FRMD3: variants seen among roughly 807,000 people sequenced by gnomAD.
FRMD3 encodes FERM domain containing 3.
FRMD3 carries 33 observed loss-of-function variants against 70.2 expected under a neutral mutation model. That is an observed-to-expected ratio of 0.47 (90% confidence interval 0.36 to 0.63). FRMD3 has a LOEUF of 0.63. Among genes scored for constraint, FRMD3 ranks in the 20% least tolerant of loss-of-function variants. The pLI is 0.00. For missense variants in FRMD3, 632 were observed against 711.4 expected, an observed-to-expected ratio of 0.89 and a Z score of 1.27; for synonymous variants, 279 against 255.9, an observed-to-expected ratio of 1.09 and a Z score of -0.86.
At chr9:83,360,307 C>T (rs543963352) in intron 3 of FRMD3, among the ~76,000 whole-genome samples, 2 of 152,322 alleles carry the variant, frequency 1.3e-5, no homozygotes, top group East Asian at 1.9e-4. Context: ...CAACTACTTA[C>T]ATAACTTGGT....
Position 83,538,243 on chromosome 9 carries a change from GT to G in FRMD3, c.-13del. ...CAGGAGGCGAACATGCACCGCGGCC[GT>G]GGGGAGCGAGCGGGAGGCTCAGGGC... On this transcript the variant is annotated 5_prime_UTR_variant, in exon 1 of 14. Transcript: ENST00000304195. The surrounding 1 kb of genome is among the most constrained non-coding windows in gnomAD (Gnocchi z 4.7). The G allele has an allele frequency of 6.4e-7, 1 of 1,553,946 alleles. No homozygotes were observed. The highest frequency in any genetic ancestry group is 1.2e-5 in the South Asian group (1 of 85,054).
chr9:83,408,257 C>T (rs868556589), intron 1 of FRMD3, among the ~76,000 whole-genome samples: 3 of 152,116 alleles, frequency 2.0e-5, no homozygotes, highest in Admixed American at 1.3e-4. Context: ...CAGATTAAAA[C>T]GAAGAAAGGA....
At chr9:83,315,156 T>A (rs892291233) in intron 6 of FRMD3, among the ~76,000 whole-genome samples, 11 of 152,192 alleles carry the variant, frequency 7.2e-5, no homozygotes, top group African/African-American at 2.7e-4. Context: ...ATTCCTCTTA[T>A]CCCTCTGAGG....
rs3029557 is a variant in FRMD3 at position 83,309,259 on chromosome 9, TACACACACACACACACACAC to T, written c.926+257_926+276del. ...ATTTTGTGGAAATAGCTATTTGAAA[TACACACACACACACACACAC>T]ACACACACACACACACACACACACA... is the stretch of plus-strand genomic sequence containing the variant. On this transcript the variant is annotated intron_variant, in intron 10 of 13. Transcript: ENST00000304195. Among the ~76,000 whole-genome samples, 34 of 138,378 alleles carry T rather than the reference TACACACACACACACACACAC, an allele frequency of 2.5e-4. No individual in the cohort carries two copies. In the South Asian group the frequency reaches 3.3e-3, roughly 13 times the overall value. 90.8% of individuals were successfully genotyped at this position (138,378 alleles called of 152,430 possible).
chr9:83,516,147 A>G (rs1422358657), intron 1 of FRMD3, among the ~76,000 whole-genome samples: 2 of 152,324 alleles, frequency 1.3e-5, no homozygotes, highest in Admixed American at 1.3e-4. Context: ...AACGAGCTAA[A>G]TGCCCCAATT....
intron 1 of FRMD3, among the ~76,000 whole-genome samples, chr9:83,446,571 G>A (rs545801968): frequency 3.3e-5 from 5 of 150,612 alleles, no homozygotes; most frequent in South Asian, 2.1e-4. Context: ...GGCGTGAAAC[G>A]GGGAGGCAGA....
chr9:83,559,761 T>C, the FRMD3 span, among the ~76,000 whole-genome samples: 1 of 152,214 alleles, frequency 6.6e-6, no homozygotes, highest in African/African-American at 2.4e-5. Context: ...CATAAAATTA[T>C]ACACTTTAAA....
chr9:83,522,549 TTA>T (rs1216470321), intron 1 of FRMD3, among the ~76,000 whole-genome samples: 1 of 146,154 alleles, frequency 6.8e-6, no homozygotes, highest in Non-Finnish European at 1.5e-5. Flanking sequence ...ACCACAAATT[TTA>T]TATATATATA....
chr9:83,350,658 A>T, intron 3 of FRMD3: 2 of 581,394 alleles, frequency 3.4e-6, no homozygotes, highest in Non-Finnish European at 4.3e-6. Context: ...AAAAAGAAAA[A>T]GAAAGAAGAA....
chr9:83,255,144 A>G (rs1832641032), intron 13 of FRMD3, among the ~76,000 whole-genome samples: 1 of 152,218 alleles, frequency 6.6e-6, no homozygotes, highest in African/African-American at 2.4e-5. Context: ...AAATACTGGC[A>G]AACTGAATCC....
At chr9:83,294,844 T>C (rs1206656837) in intron 12 of FRMD3, among the ~76,000 whole-genome samples, 1 of 152,242 alleles carries the variant, frequency 6.6e-6, no homozygotes, top group Non-Finnish European at 1.5e-5. Flanking sequence ...TCCTCCTGTT[T>C]CTGGCTACAT....
intron 5 of FRMD3, among the ~76,000 whole-genome samples, chr9:83,341,643 T>A (rs1204432485): frequency 6.6e-6 from 1 of 152,096 alleles, no homozygotes; most frequent in Non-Finnish European, 1.5e-5. Flanking sequence ...AAACACATTC[T>A]CTACTTCAGT....
intron 1 of FRMD3, among the ~76,000 whole-genome samples, chr9:83,493,806 C>T (rs1014044334): frequency 2.6e-5 from 4 of 152,306 alleles, no homozygotes; most frequent in African/African-American, 4.8e-5. Flanking sequence ...TCCCTTCACA[C>T]GCAGCTCAAG....
At chr9:83,388,852 C>A (rs1195116100) in intron 2 of FRMD3, among the ~76,000 whole-genome samples, 1 of 151,054 alleles carries the variant, frequency 6.6e-6, no homozygotes, top group Non-Finnish European at 1.5e-5. Flanking sequence ...CAACCACCAT[C>A]AATATGAAGT....
chr9:83,350,441 C>T (rs1170781003), intron 3 of FRMD3, among the ~76,000 whole-genome samples: 2 of 150,264 alleles, frequency 1.3e-5, no homozygotes, highest in Non-Finnish European at 3.0e-5. Context: ...ATGGAGAAAC[C>T]CCATCTCTAC....
chr9:83,298,754 AC>A lies in FRMD3; in HGVS notation c.1063del (p.Val355CysfsTer15). ...SSKIQREPPEVHRANITQSRS... is the reference protein window; with the variant it reads ...SSKIQREPPEXHRANITQSRS... Reference sequence around the variant, plus strand: ...ACAGTGATCATCCACTCACCTGTGCACCTCAGGAGGCTCCCTCTGGATCTTG... The same window carrying A: ...ACAGTGATCATCCACTCACCTGTGCACTCAGGAGGCTCCCTCTGGATCTTG... On this transcript the variant is annotated frameshift_variant, in exon 12 of 14. Coordinates refer to ENST00000304195, the MANE Select transcript of FRMD3 (RefSeq NM_174938.6). LOFTEE classifies it high-confidence loss of function. 2 of 1,614,078 alleles carry A rather than the reference AC, an allele frequency of 1.2e-6. No individual in the cohort carries two copies. The highest frequency in any genetic ancestry group is 1.7e-6 in the Non-Finnish European group (2 of 1,179,924).
At chr9:83,471,374 T>C (rs1828264240) in intron 1 of FRMD3, among the ~76,000 whole-genome samples, 1 of 152,252 alleles carries the variant, frequency 6.6e-6, no homozygotes, top group Non-Finnish European at 1.5e-5. Flanking sequence ...CTGCTCCATT[T>C]TCTCATATCA....
At position 83,246,459 on chromosome 9, in the gene FRMD3, G is replaced by C; in HGVS notation, c.*1459C>G. Reference sequence around the variant, plus strand: ...GTATCAAGGAAGGTACTAGAGCACTGGTCCCCTCTACAGTCTGGTTAGGGT... The same window carrying C: ...GTATCAAGGAAGGTACTAGAGCACTCGTCCCCTCTACAGTCTGGTTAGGGT... On this transcript the variant is annotated 3_prime_UTR_variant, in exon 14 of 14. Coordinates refer to ENST00000304195, the MANE Select transcript of FRMD3 (RefSeq NM_174938.6). 2 of 984,572 alleles carry C rather than the reference G, an allele frequency of 2.0e-6. No individual in the cohort carries two copies. The highest frequency in any genetic ancestry group is 2.4e-6 in the Non-Finnish European group (2 of 829,378). 61.0% of individuals were successfully genotyped at this position (984,572 alleles called of 1,614,324 possible).
intron 3 of FRMD3, among the ~76,000 whole-genome samples, chr9:83,364,026 T>C (rs1824707896): frequency 6.6e-6 from 1 of 152,216 alleles, no homozygotes; most frequent in Non-Finnish European, 1.5e-5. Context: ...CTAATTTGCA[T>C]TTCCTTTGTA....
Sources: gnomAD v4.1 joint callset for allele counts (sites outside exome capture counted in the v4.1 genomes callset) on GRCh38, gnomAD v4.1.1 for gene constraint, Gnocchi (gnomAD v3.1) non-coding constraint, MANE v1.5 for transcripts, NCBI Gene and HGNC (gene_info 2026-07-23, HGNC 2026-07-21) for gene names.